The following CTNNA2 variants were observed in gnomAD, a reference collection of about 807,000 sequenced individuals.
CTNNA2 encodes the protein catenin alpha-2.
In CTNNA2, 42 loss-of-function variants were observed where a neutral mutation model predicts 101.0. The ratio of observed to expected loss-of-function variants is 0.42; its 90% CI spans 0.32 to 0.54. CTNNA2 has a LOEUF of 0.54. Among genes scored for constraint, CTNNA2 ranks in the 20% least tolerant of loss-of-function variants. The probability of loss-of-function intolerance (pLI) is 0.14; values close to 1 mark genes in which losing one functional copy is unlikely to be tolerated. For missense variants in CTNNA2, 871 were observed against 1,223.1 expected, an observed-to-expected ratio of 0.71 and a Z score of 4.29; for synonymous variants, 450 against 456.4, an observed-to-expected ratio of 0.99 and a Z score of 0.18.
intron 3 of CTNNA2, chr2:79,339,921 C>T (rs918209193): frequency 3.3e-5 from 5 of 152,312 alleles, no homozygotes; most frequent in African/African-American, 1.2e-4. Context: ...TCTATCAACT[C>T]ATTGGCATTT....
intron 7 of CTNNA2, among the ~76,000 whole-genome samples, chr2:79,940,585 G>T (rs1440033316): frequency 6.6e-6 from 1 of 152,142 alleles, no homozygotes; most frequent in Non-Finnish European, 1.5e-5. Context: ...AATCAGTCAG[G>T]ACCCAGGCAT....
chr2:80,416,054 G>T (rs1366550246), intron 8 of CTNNA2, among the ~76,000 whole-genome samples: 1 of 152,070 alleles, frequency 6.6e-6, no homozygotes, highest in Non-Finnish European at 1.5e-5. Context: ...GGGGCTGGAG[G>T]TGGGGGTGGT....
intron 3 of CTNNA2, among the ~76,000 whole-genome samples, chr2:79,773,482 T>A (rs2105157749): frequency 6.6e-6 from 1 of 152,196 alleles, no homozygotes; most frequent in East Asian, 1.9e-4. Context: ...CACAGGTAGG[T>A]GACAGAAAAA....
chr2:79,521,127 T>G (rs1295547986), intron 1 of CTNNA2, among the ~76,000 whole-genome samples: 2 of 12,704 alleles, frequency 1.6e-4, no homozygotes, highest in African/African-American at 3.4e-4. Flanking sequence ...TATATATATA[T>G]ATATATATAT....
At chr2:79,523,841 T>C (rs1672252308) in intron 1 of CTNNA2, among the ~76,000 whole-genome samples, 2 of 152,140 alleles carry the variant, frequency 1.3e-5, no homozygotes, top group Non-Finnish European at 2.9e-5. Flanking sequence ...CTAGAGGTTA[T>C]CTTTTCATTT....
chr2:79,209,933 A>G (rs890988275), intron 2 of CTNNA2, among the ~76,000 whole-genome samples: 1 of 151,276 alleles, frequency 6.6e-6, no homozygotes, highest in Non-Finnish European at 1.5e-5. Flanking sequence ...CTTTTGCCTG[A>G]TCAACAGTTT....
At chr2:79,875,627 A>C (rs1035895363) in intron 6 of CTNNA2, among the ~76,000 whole-genome samples, 3 of 152,120 alleles carry the variant, frequency 2.0e-5, no homozygotes, top group Admixed American at 2.0e-4. Flanking sequence ...TAATTTTAAC[A>C]GTTCATACTC....
intron 11 of CTNNA2, among the ~76,000 whole-genome samples, chr2:80,549,671 C>T (rs1021712391): frequency 6.6e-6 from 1 of 152,034 alleles, no homozygotes; most frequent in Non-Finnish European, 1.5e-5. Context: ...ATCTCTTTTC[C>T]TTTCTAGTTG....
At chr2:79,585,379 A>T (rs1288840439) in intron 1 of CTNNA2, among the ~76,000 whole-genome samples, 1 of 152,034 alleles carries the variant, frequency 6.6e-6, no homozygotes, top group Non-Finnish European at 1.5e-5. Context: ...CACTTCCAAG[A>T]CAATGTTAAA....
At chr2:79,329,265 T>A (rs1676816496) in intron 3 of CTNNA2, among the ~76,000 whole-genome samples, 1 of 152,134 alleles carries the variant, frequency 6.6e-6, no homozygotes, top group South Asian at 2.1e-4. Context: ...GGAGCACAGT[T>A]GTTCTGTTCC....
At chr2:79,390,066 G>A (rs994782191) in intron 4 of CTNNA2, among the ~76,000 whole-genome samples, 2 of 152,064 alleles carry the variant, frequency 1.3e-5, no homozygotes, top group Non-Finnish European at 2.9e-5. Context: ...TGCCCTCTGA[G>A]TATCTTCATC....
intron 7 of CTNNA2, among the ~76,000 whole-genome samples, chr2:80,195,657 AT>A (rs1242959530): frequency 1.3e-5 from 2 of 150,722 alleles, no homozygotes; most frequent in Non-Finnish European, 2.9e-5. Flanking sequence ...GATTTAGGAC[AT>A]TAAAAATGCA....
intron 7 of CTNNA2, among the ~76,000 whole-genome samples, chr2:80,097,647 C>T (rs568402917): frequency 2.6e-4 from 40 of 152,320 alleles, no homozygotes; most frequent in African/African-American, 8.7e-4. Flanking sequence ...GTACACCAAT[C>T]AGATGTAGAT....
intron 7 of CTNNA2, among the ~76,000 whole-genome samples, chr2:80,210,754 T>C (rs2149034699): frequency 6.6e-6 from 1 of 152,306 alleles, no homozygotes; most frequent in African/African-American, 2.4e-5. Flanking sequence ...CTGGGTCAAA[T>C]GGTATTTCTA....
chr2:80,458,965 A>G (rs1261785820), intron 9 of CTNNA2, among the ~76,000 whole-genome samples: 2 of 152,166 alleles, frequency 1.3e-5, no homozygotes, highest in Non-Finnish European at 2.9e-5. Flanking sequence ...TTAAAAAAAT[A>G]TTTTATACCA....
At chr2:80,419,719 A>G in intron 9 of CTNNA2, 118 bp downstream of exon 9, 2 of 1,071,260 alleles carry the variant, frequency 1.9e-6, no homozygotes, top group South Asian at 2.0e-5. Flanking sequence ...AAAGTCCTGG[A>G]ATCATTCTTT....
At chr2:79,891,820 A>AATAT (rs914934753) in intron 6 of CTNNA2, among the ~76,000 whole-genome samples, 1 of 151,150 alleles carries the variant, frequency 6.6e-6, no homozygotes, top group African/African-American at 2.4e-5. Context: ...ACAACCTGAA[A>AATAT]ATATATATAT....
At chr2:80,349,014 C>G (rs1673043527) in intron 7 of CTNNA2, among the ~76,000 whole-genome samples, 1 of 152,202 alleles carries the variant, frequency 6.6e-6, no homozygotes, top group African/African-American at 2.4e-5. Context: ...GCAGATGGCA[C>G]AATGTAAAGG....
At chr2:79,245,551 C>G (rs1358648959) in intron 2 of CTNNA2, among the ~76,000 whole-genome samples, 1 of 152,188 alleles carries the variant, frequency 6.6e-6, no homozygotes, top group Admixed American at 6.5e-5. Flanking sequence ...GACCCAGACC[C>G]TCCCAGGAAG....
Sources: allele counts gnomAD v4.1 joint callset (sites outside exome capture counted in the v4.1 genomes callset), GRCh38; gene constraint gnomAD v4.1.1; transcripts MANE v1.5; gene names NCBI Gene and HGNC (gene_info 2026-07-23, HGNC 2026-07-21).